ZNF808: variants seen among roughly 807,000 people sequenced by gnomAD.
ZNF808 encodes zinc finger protein 808.
In ZNF808, 5 loss-of-function variants were observed where a neutral mutation model predicts 8.7. The observed-to-expected ratio is 0.58, with a 90% CI of 0.30 to 1.21. The LOEUF (loss-of-function observed/expected upper bound fraction) is 1.21. ZNF808 is among the 50% of genes most tolerant of loss of function. The pLI, the probability that ZNF808 is intolerant of heterozygous loss-of-function variation, is 0.07. For synonymous variants in ZNF808, 380 were observed against 366.0 expected (o/e 1.04, Z -0.44); for missense variants, 1,103 against 1,098.4 (o/e 1.00, Z -0.06).
At chr19:52,539,488 C>T (rs554454071) in intron 2 of ZNF808, among the ~76,000 whole-genome samples, 18 of 150,308 alleles carry the variant, frequency 1.2e-4, no homozygotes, top group Non-Finnish European at 2.5e-4. Flanking sequence ...CACACTTGGC[C>T]TCAGTAATTG....
exon 4 of ZNF808, chr19:52,564,312 C>T: frequency 1.6e-6 from 1 of 629,776 alleles, no homozygotes; most frequent in Non-Finnish European, 2.8e-6. Flanking sequence ...ATGTCACTAC[C>T]ATCTGGAGAC....
chr19:52,549,448 A>G (rs925011890), intron 4 of ZNF808, among the ~76,000 whole-genome samples: 3 of 152,192 alleles, frequency 2.0e-5, no homozygotes, highest in Non-Finnish European at 4.4e-5. Context: ...AATCAGAGTC[A>G]CTTAATTTAA....
chr19:52,551,155 C>T lies in ZNF808; in HGVS notation c.191-1952C>T, dbSNP rs145606536. 5.9e-3 allele frequency among the ~76,000 whole-genome samples: 896 copies of T among 152,222 alleles called. 11 individuals carry two copies. The highest frequency in any genetic ancestry group is 0.021 in the African/African-American group (858 of 41,538). ...TCACCTGAGGTCAGAAGTTCAAGACCAGCCTGGCCAACGTGGTGAAACCCC... is the reference window on the plus strand; with the variant it reads ...TCACCTGAGGTCAGAAGTTCAAGACTAGCCTGGCCAACGTGGTGAAACCCC... On this transcript the variant is annotated intron_variant, in intron 4 of 4. Coordinates refer to ENST00000359798, the MANE Select transcript of ZNF808 (RefSeq NM_001039886.4).
chr19:52,543,487 C>T, intron 3 of ZNF808, 140 bp downstream of exon 3: 1 of 1,278,208 alleles, frequency 7.8e-7, no homozygotes, highest in East Asian at 2.4e-5. Context: ...TTCACTTGCA[C>T]TCACCCATGC....
chr19:52,535,409 G>C (rs2059597914), intron 2 of ZNF808, among the ~76,000 whole-genome samples: 1 of 152,034 alleles, frequency 6.6e-6, no homozygotes, highest in Non-Finnish European at 1.5e-5. Flanking sequence ...CTGCGGGAGG[G>C]GGTGTTACTT....
rs373310491 is a variant in ZNF808 at position 52,529,098 on chromosome 19, A to G, written c.-122+1387A>G. Among the ~76,000 whole-genome samples, 105 of 152,076 alleles carry G rather than the reference A, an allele frequency of 6.9e-4. 1 individual carries two copies. The highest frequency in any genetic ancestry group is 2.5e-3 in the African/African-American group (104 of 41,498). On this transcript the variant is annotated intron_variant, in intron 1 of 4. Transcript: ENST00000359798. ...GCGCAGTAATGAAGAAAGGGGGGCT[A>G]GGCACAGTGGCTCACGCCTGTAGTC... is the stretch of plus-strand genomic sequence containing the variant.
intron 4 of ZNF808, 101 bp downstream of exon 4, chr19:52,547,739 G>GGTTTTTTTTTTTTTTTTTTTTTTT (rs1491196956): frequency 2.4e-6 from 2 of 843,142 alleles, no homozygotes; most frequent in Non-Finnish European, 3.1e-6. Flanking sequence ...ATCCATGCTG[G>GGTTTTTTTTTTTTTTTTTTTTTTT]TTTTTTTTTT....
intron 1 of ZNF808, among the ~76,000 whole-genome samples, chr19:52,528,573 C>A (rs1304955306): frequency 6.6e-6 from 1 of 152,088 alleles, no homozygotes; most frequent in African/African-American, 2.4e-5. Flanking sequence ...GCTAGATGTA[C>A]ACAGAGATGA....
At chr19:52,535,743 T>A (rs370641823) in intron 2 of ZNF808, among the ~76,000 whole-genome samples, 4 of 152,332 alleles carry the variant, frequency 2.6e-5, no homozygotes, top group African/African-American at 9.6e-5. Flanking sequence ...ATTTCACATT[T>A]TAGTTTGCAT....
chr19:52,540,732 A>G (rs1015554083), intron 2 of ZNF808, among the ~76,000 whole-genome samples: 3 of 152,196 alleles, frequency 2.0e-5, no homozygotes, highest in Non-Finnish European at 2.9e-5. Context: ...AGCAGAGCCC[A>G]TGTGTTCTTG....
downstream of ZNF808, among the ~76,000 whole-genome samples, chr19:52,566,769 C>T (rs544305524): frequency 1.6e-4 from 25 of 152,234 alleles, no homozygotes; most frequent in Non-Finnish European, 2.8e-4. Context: ...ACATTCCTTA[C>T]TGCTCACGCA....
At chr19:52,530,837 TAG>T (rs1210193796) in intron 1 of ZNF808, among the ~76,000 whole-genome samples, 6 of 151,200 alleles carry the variant, frequency 4.0e-5, no homozygotes, top group Admixed American at 2.0e-4. Context: ...GCTGGCCATG[TAG>T]ACATACGCCT....
At chr19:52,566,548 A>G (rs1465317084), downstream of ZNF808, among the ~76,000 whole-genome samples, 1 of 152,222 alleles carries the variant, frequency 6.6e-6, no homozygotes, top group East Asian at 1.9e-4. Flanking sequence ...ATAATAGATA[A>G]TTACATAGAT....
intron 3 of ZNF808, among the ~76,000 whole-genome samples, chr19:52,543,776 A>G (rs541000857): frequency 9.9e-5 from 15 of 152,142 alleles, no homozygotes; most frequent in South Asian, 8.3e-4. Context: ...ATAAGAGGAG[A>G]TATTTTGTAT....
chr19:52,560,500 A>G (rs1568494652), downstream of ZNF808, among the ~76,000 whole-genome samples: 1 of 151,418 alleles, frequency 6.6e-6, no homozygotes, highest in East Asian at 1.9e-4. Flanking sequence ...GACTTTACTC[A>G]TTTTTTTTGT....
rs192929685 is a variant in ZNF808 at position 52,538,407 on chromosome 19, A to G, written c.-19-4859A>G. ...GCCCAGGCTGGAGTGCAATGGCACA[A>G]TCTTGGCTAATGACTCTCTGTGCCT... On this transcript the variant is annotated intron_variant, in intron 2 of 4. Transcript: ENST00000359798. Among the ~76,000 whole-genome samples the G allele has an allele frequency of 6.7e-4, 101 of 151,662 alleles. 3 individuals are homozygous for G. The East Asian group carries it at 0.019, about 29-fold the overall frequency.
At position 52,554,369 on chromosome 19, in the gene ZNF808, T is replaced by C. The variant is rs754010697; in HGVS notation, c.1453T>C (p.Cys485Arg). ...TCACACTGGAGAGAAAACTTACAAG[T>C]GTAATGAGTGTCGCAAGACCTTCAG... ...RIHTGEKTYK[C>R]NECRKTFSRR... The change falls in exon 5 of 5, where the codon TGT becomes CGT. Residue 485 changes from cysteine to arginine, a missense_variant. Cys to Arg is a radical substitution (Grantham distance 180). Transcript: ENST00000359798. 2 of 1,613,646 alleles carry C rather than the reference T, an allele frequency of 1.2e-6. No individual in the cohort carries two copies. The highest frequency in any genetic ancestry group is 1.3e-5 in the African/African-American group (1 of 74,778).
At chr19:52,567,752 C>G (rs951225973), downstream of ZNF808, among the ~76,000 whole-genome samples, 1 of 151,776 alleles carries the variant, frequency 6.6e-6, no homozygotes, top group South Asian at 2.1e-4. Context: ...CTCGAACTCC[C>G]GACCTCAGGC....
chr19:52,538,925 A>G (rs1363886870), intron 2 of ZNF808, among the ~76,000 whole-genome samples: 21 of 152,024 alleles, frequency 1.4e-4, no homozygotes, highest in Non-Finnish European at 3.1e-4. Flanking sequence ...TCCTGTGTCT[A>G]AGTGTGGTTC....
Sources: gnomAD v4.1 joint callset for allele counts (sites outside exome capture counted in the v4.1 genomes callset) on GRCh38, gnomAD v4.1.1 for gene constraint, MANE v1.5 for transcripts, NCBI Gene and HGNC (gene_info 2026-07-23, HGNC 2026-07-21) for gene names.